PCDHA1: variants seen among roughly 807,000 people sequenced by gnomAD.
PCDHA1 encodes protocadherin alpha-1.
A neutral mutation model predicts 61.3 loss-of-function variants in PCDHA1; 42 were observed. The observed-to-expected ratio is 0.69, with a 90% CI of 0.54 to 0.89. The LOEUF (loss-of-function observed/expected upper bound fraction) is 0.89. Ranked by LOEUF, PCDHA1 falls within the 40% of genes least tolerant of loss-of-function variation. PCDHA1 has a pLI of 0.00. For synonymous variants in PCDHA1, 610 were observed against 553.8 expected (o/e 1.10, Z -1.43); for missense variants, 1,256 against 1,235.3 (o/e 1.02, Z -0.25).
At position 140,787,353 on chromosome 5, in the gene PCDHA1, T is replaced by G; in HGVS notation, c.1063T>G (p.Leu355Val). The change falls in exon 1 of 4, where the codon TTG becomes GTG. Residue 355 changes from leucine to valine, a missense_variant. Physicochemically the swap from Leu to Val is conservative, Grantham distance 32. Coordinates refer to ENST00000504120, the MANE Select transcript of PCDHA1 (RefSeq NM_018900.4). ...DNAPELAVTS[L>V]YLPIREDAPL... ...TGCTCCAGAACTGGCGGTCACTTCA[T>G]TGTATTTGCCTATCAGAGAGGACGC... 1 of 1,614,182 alleles carries G rather than the reference T, an allele frequency of 6.2e-7. No homozygotes were observed. Among genetic ancestry groups the G allele is most frequent in the East Asian group, 2.2e-5 (1 of 44,880 alleles).
chr5:140,865,248 G>C (rs2048793700), intron 1 of PCDHA1: 1 of 152,148 alleles, frequency 6.6e-6, no homozygotes, highest in Non-Finnish European at 1.5e-5. Context: ...ATTTATAGCT[G>C]TAAGGATGTG....
intron 1 of PCDHA1, chr5:140,968,978 G>A: frequency 1.9e-6 from 3 of 1,614,212 alleles, no homozygotes; most frequent in Non-Finnish European, 1.7e-6. Flanking sequence ...CACTGCGTAT[G>A]GCACTGCATG....
At chr5:140,948,868 G>A (rs191976148) in intron 1 of PCDHA1, among the ~76,000 whole-genome samples, 20 of 151,330 alleles carry the variant, frequency 1.3e-4, no homozygotes, top group African/African-American at 4.8e-4. Context: ...ATTACTTCGG[G>A]TTTACTTTGC....
At chr5:140,929,298 A>G (rs1554206937) in intron 1 of PCDHA1, 26 of 1,591,722 alleles carry the variant, frequency 1.6e-5, no homozygotes, top group Non-Finnish European at 2.1e-5. Context: ...GGAATAGGAA[A>G]GGGGATCACG....
rs567371259 is a variant in PCDHA1, at chr5:140,910,950, G to A, written c.2395-67999G>A. ...TAAGAAAGCTCAAGCAGTTCTTTTC[G>A]AGTGTAGCACACCTCCTCATGGGTT... On this transcript the variant is annotated intron_variant, in intron 1 of 3. Coordinates refer to ENST00000504120, the MANE Select transcript of PCDHA1 (RefSeq NM_018900.4). Among the ~76,000 whole-genome samples, 203 of 152,092 alleles carry A rather than the reference G, an allele frequency of 1.3e-3. 1 individual carries two copies. Among genetic ancestry groups the A allele is most frequent in the Non-Finnish European group, 2.4e-3 (165 of 68,000 alleles).
chr5:140,808,453 G>A, intron 1 of PCDHA1: 1 of 1,614,226 alleles, frequency 6.2e-7, no homozygotes. Flanking sequence ...CAGCCTATGA[G>A]CTGGTGGTGA....
intron 1 of PCDHA1, chr5:140,859,420 CT>C (rs2045858037): frequency 8.6e-6 from 2 of 233,034 alleles, no homozygotes; most frequent in Non-Finnish European, 8.1e-6. Context: ...ATGATATAGA[CT>C]CAGAAATGAA....
intron 1 of PCDHA1, chr5:140,856,284 A>C (rs1164216826): frequency 5.6e-6 from 9 of 1,598,362 alleles, no homozygotes; most frequent in Non-Finnish European, 7.7e-6. Context: ...GTAAATCTGC[A>C]GAATGGCATT....
chr5:140,865,920 G>A (rs1282584078), intron 1 of PCDHA1: 2 of 152,110 alleles, frequency 1.3e-5, no homozygotes, highest in African/African-American at 2.4e-5. Flanking sequence ...TTTCTGTTGT[G>A]CTTAGAAGAA....
intron 1 of PCDHA1, chr5:140,926,719 A>C: frequency 2.0e-6 from 2 of 986,548 alleles, no homozygotes; most frequent in Non-Finnish European, 2.7e-6. Context: ...AGCCCCGGCA[A>C]TGCCGGCGTT....
intron 1 of PCDHA1, chr5:140,821,856 C>T: frequency 6.2e-7 from 1 of 1,614,160 alleles, no homozygotes; most frequent in Non-Finnish European, 8.5e-7. Flanking sequence ...AGGCAGGGAG[C>T]GGCCAGCTCC....
At position 140,939,517 on chromosome 5, in the gene PCDHA1, G is replaced by GACATTGTAGAATTATAGAATTCTACATAA. The variant is rs559604027; in HGVS notation, c.2395-39432_2395-39431insACATTGTAGAATTATAGAATTCTACATAA. 5.4e-3 allele frequency among the ~76,000 whole-genome samples: 825 copies of GACATTGTAGAATTATAGAATTCTACATAA among 152,166 alleles called. 3 individuals carry two copies. Among genetic ancestry groups the GACATTGTAGAATTATAGAATTCTACATAA allele is most frequent in the African/African-American group, 0.019 (794 of 41,518 alleles). On this transcript the variant is annotated intron_variant, in intron 1 of 3. Coordinates refer to ENST00000504120, the MANE Select transcript of PCDHA1 (RefSeq NM_018900.4). Reference sequence around the variant, plus strand: ...AAATTCAATGTCTATAACATTAATAGTTATAGAATTATACAGAGCCTCTAT... The same window carrying GACATTGTAGAATTATAGAATTCTACATAA: ...AAATTCAATGTCTATAACATTAATAGACATTGTAGAATTATAGAATTCTACATAATTATAGAATTATACAGAGCCTCTAT...
intron 1 of PCDHA1, among the ~76,000 whole-genome samples, chr5:140,832,065 T>C (rs2150199482): frequency 1.3e-3 from 196 of 152,372 alleles, no homozygotes; most frequent in African/African-American, 4.5e-3. Flanking sequence ...CAATTTAATC[T>C]GAGATGTCTC....
Position 140,850,613 on chromosome 5 carries a change from G to A in PCDHA1, c.2394+61929G>A. 4.4e-6 allele frequency: 7 copies of A among 1,598,580 alleles called. 1 individual carries two copies. The highest frequency in any genetic ancestry group is 6.0e-6 in the Non-Finnish European group (7 of 1,167,886). ...TGTACCTGATCATCGCCATCTGCGC[G>A]GTGTCTAGCCTGTTGGTTCTCACGC... On this transcript the variant is annotated intron_variant, in intron 1 of 3. Coordinates refer to ENST00000504120, the MANE Select transcript of PCDHA1 (RefSeq NM_018900.4).
chr5:140,811,002 TTTC>T (rs1554125632), intron 1 of PCDHA1: 1 of 152,192 alleles, frequency 6.6e-6, no homozygotes, highest in African/African-American at 2.4e-5. Context: ...TTTATTTTTA[TTTC>T]TTCTTATTAT....
chr5:140,838,325 T>C (rs1554137025), intron 1 of PCDHA1, among the ~76,000 whole-genome samples: 1 of 149,366 alleles, frequency 6.7e-6, no homozygotes, highest in Non-Finnish European at 1.5e-5. Flanking sequence ...AGTTTCACCA[T>C]GTTGCCCCGG....
chr5:140,899,140 G>A (rs2067159296), intron 1 of PCDHA1, among the ~76,000 whole-genome samples: 1 of 152,090 alleles, frequency 6.6e-6, no homozygotes, highest in Non-Finnish European at 1.5e-5. Flanking sequence ...CTGCAAACAG[G>A]GACAATTTGA....
At chr5:140,803,768 C>A in intron 1 of PCDHA1, 1 of 1,075,560 alleles carries the variant, frequency 9.3e-7, no homozygotes, top group Non-Finnish European at 1.3e-6. Context: ...ATTTTTGAAC[C>A]AAATCAGCAG....
At chr5:140,852,978 A>T in intron 1 of PCDHA1, 1 of 358,934 alleles carries the variant, frequency 2.8e-6, no homozygotes, top group Non-Finnish European at 4.1e-6. Flanking sequence ...TCCCGTGTTC[A>T]CGCCATTCTC....
Sources: gnomAD v4.1 joint callset for allele counts (sites outside exome capture counted in the v4.1 genomes callset) on GRCh38, gnomAD v4.1.1 for gene constraint, MANE v1.5 for transcripts, NCBI Gene and HGNC (gene_info 2026-07-23, HGNC 2026-07-21) for gene names.